TAF15: variants seen among roughly 807,000 people sequenced by gnomAD.
TAF15 encodes TATA-binding protein-associated factor 2N.
TAF15 carries 37 observed loss-of-function variants against 102.5 expected under a neutral mutation model. That is an observed-to-expected ratio of 0.36 (90% CI 0.28 to 0.47). The LOEUF is 0.47. TAF15 is among the 20% of genes least tolerant of loss of function. TAF15 has a pLI of 0.99. For missense variants in TAF15, 652 were observed against 760.7 expected, an observed-to-expected ratio of 0.86 and a Z score of 1.68; for synonymous variants, 273 against 259.2, an observed-to-expected ratio of 1.05 and a Z score of -0.51.
chr17:35,845,921 GAAGGAACATACCTTTC>G (rs1409227628), intron 15 of TAF15, among the ~76,000 whole-genome samples: 1 of 152,174 alleles, frequency 6.6e-6, no homozygotes, highest in Admixed American at 6.5e-5. Flanking sequence ...TAATCTAAGT[GAAGGAACATACCTTTC>G]ATAGGGTGGT....
At chr17:35,821,875 A>G (rs948918997) in intron 5 of TAF15, among the ~76,000 whole-genome samples, 2 of 152,214 alleles carry the variant, frequency 1.3e-5, no homozygotes, top group Non-Finnish European at 2.9e-5. Flanking sequence ...GGTTCTAAAG[A>G]TAATTCTAAG....
intron 2 of TAF15, among the ~76,000 whole-genome samples, chr17:35,819,534 G>A (rs1417652902): frequency 1.3e-5 from 2 of 152,126 alleles, no homozygotes; most frequent in African/African-American, 2.4e-5. Flanking sequence ...TTTTAAACTG[G>A]ACTTCTAGTG....
At chr17:35,819,927 T>G (rs1387213418) in intron 2 of TAF15, 97 bp from the exon 3 acceptor site, 1 of 1,031,290 alleles carries the variant, frequency 9.7e-7, no homozygotes, top group Non-Finnish European at 1.5e-6. Flanking sequence ...CAAAGAAGCT[T>G]GTATTTGAGT....
intron 7 of TAF15, among the ~76,000 whole-genome samples, chr17:35,831,284 G>A (rs2087402137): frequency 6.6e-6 from 1 of 151,980 alleles, no homozygotes; most frequent in Admixed American, 6.6e-5. Flanking sequence ...GCGGGCGCCT[G>A]TAGTCCCAGC....
Position 35,841,895 on chromosome 17 carries a change from A to G in TAF15, c.914-472A>G, listed in dbSNP as rs74985704. 5.7e-3 allele frequency among the ~76,000 whole-genome samples: 872 copies of G among 152,202 alleles called. 11 individuals are homozygous for G. The highest frequency in any genetic ancestry group is 0.019 in the African/African-American group (803 of 41,530). On this transcript the variant is annotated intron_variant, in intron 11 of 15. Transcript: ENST00000605844. ...AAAATTTTTTCAGAGAAAGGGTCTC[A>G]TTACGTTCCTCAGGCTTGTCTCAAA...
chr17:35,845,718 A>G (rs1568286318), intron 15 of TAF15, among the ~76,000 whole-genome samples: 3 of 151,294 alleles, frequency 2.0e-5, no homozygotes, highest in Non-Finnish European at 4.4e-5. Flanking sequence ...ACCATGTTAG[A>G]CCTCGTGATC....
chr17:35,837,409 C>T (rs1221505498), intron 10 of TAF15, among the ~76,000 whole-genome samples: 1 of 150,716 alleles, frequency 6.6e-6, no homozygotes, highest in African/African-American at 2.5e-5. Flanking sequence ...CCCACCTCAG[C>T]CTCCCACCAA....
intron 15 of TAF15, 112 bp downstream of exon 15, chr17:35,845,150 C>T: frequency 7.4e-7 from 1 of 1,346,268 alleles, no homozygotes; most frequent in African/African-American, 1.4e-5. Context: ...TGCCAGTTCT[C>T]TCAGGATGGA....
Position 35,844,576 on chromosome 17 carries a change from G to C in TAF15, c.1277G>C (p.Gly426Ala). Residue 426 changes from glycine (G) to alanine (A), a missense_variant, in exon 15 of 16, where the codon GGC becomes GCC. Coordinates refer to ENST00000605844, the MANE Select transcript of TAF15 (RefSeq NM_139215.3). ...TATGGTGGAGACAGAAGTGGGGGTG[G>C]CTATGGTGGAGACAGAAGCAGCGGT... ...GGYGGDRSGG[G>A]YGGDRSSGGG... The C allele has an allele frequency of 6.3e-7, 1 of 1,599,434 alleles. No individual in the cohort carries two copies. The highest frequency in any genetic ancestry group is 1.7e-4 in the Middle Eastern group (1 of 6,022).
chr17:35,816,017 A>C (rs1235622027), intron 1 of TAF15, among the ~76,000 whole-genome samples: 2 of 152,112 alleles, frequency 1.3e-5, no homozygotes, highest in Non-Finnish European at 2.9e-5. Flanking sequence ...GCTGGAGTGC[A>C]GTGGTGCAAT....
At chr17:35,835,146 C>T (rs944295972) in intron 9 of TAF15, among the ~76,000 whole-genome samples, 2 of 152,020 alleles carry the variant, frequency 1.3e-5, no homozygotes, top group African/African-American at 2.4e-5. Flanking sequence ...TTCTTTCTTC[C>T]GTGAAGAAAT....
chr17:35,845,750 G>A (rs968177905), intron 15 of TAF15, among the ~76,000 whole-genome samples: 6 of 152,202 alleles, frequency 3.9e-5, no homozygotes, highest in African/African-American at 9.7e-5. Context: ...GCCTCCCAAA[G>A]TGGTGGGATT....
intron 5 of TAF15, among the ~76,000 whole-genome samples, chr17:35,821,086 A>G (rs1598524243): frequency 6.6e-6 from 1 of 152,176 alleles, no homozygotes. Context: ...AGTGATTCCC[A>G]TTTTACAGAG....
At chr17:35,834,348 T>TAGAC in intron 8 of TAF15, 1 of 543,702 alleles carries the variant, frequency 1.8e-6, no homozygotes, top group Non-Finnish European at 3.2e-6. Flanking sequence ...TGGCAGGTGC[T>TAGAC]GTCTAGGACA....
chr17:35,822,628 A>G lies in TAF15; in HGVS notation c.291-12A>G. 6.2e-7 allele frequency: 1 copy of G among 1,611,902 alleles called. No individual in the cohort carries two copies. The highest frequency in any genetic ancestry group is 1.1e-5 in the South Asian group (1 of 90,708). On this transcript the variant is annotated splice_polypyrimidine_tract_variant and intron_variant, in intron 5 of 15. Coordinates refer to ENST00000605844, the MANE Select transcript of TAF15 (RefSeq NM_139215.3). Reference sequence around the variant, plus strand: ...TCCTATGAAGTCTCTTAAGTTCTCCATTTCTATTTAGCCAAGGTGGAAGAG... The same window carrying G: ...TCCTATGAAGTCTCTTAAGTTCTCCGTTTCTATTTAGCCAAGGTGGAAGAG...
Position 35,836,117 on chromosome 17 carries a change from CT to C in TAF15, c.674-8del. On this transcript the variant is annotated splice_polypyrimidine_tract_variant and intron_variant, in intron 9 of 15. Coordinates refer to ENST00000605844, the MANE Select transcript of TAF15 (RefSeq NM_139215.3). ...AAGGAATATGTAAAATTAACCATCA[CT>C]TTTTTTCTCTTAGATTCAGAATCTG... 4 of 1,569,792 alleles carry C rather than the reference CT, an allele frequency of 2.5e-6. No individual in the cohort carries two copies. Among genetic ancestry groups the C allele is most frequent in the South Asian group, 2.2e-5 (2 of 90,100 alleles).
intron 7 of TAF15, among the ~76,000 whole-genome samples, chr17:35,831,722 C>A (rs4796112): frequency 6.6e-6 from 1 of 151,998 alleles, no homozygotes; most frequent in Non-Finnish European, 1.5e-5. Flanking sequence ...TCTTTATCCT[C>A]GGAACTTTAA....
intron 11 of TAF15, among the ~76,000 whole-genome samples, chr17:35,840,722 G>A (rs780490647): frequency 1.3e-5 from 2 of 151,998 alleles, no homozygotes; most frequent in Non-Finnish European, 2.9e-5. Context: ...AAATCAGCCA[G>A]GCGCGGTGGT....
rs2087243879 is a variant in TAF15, at chr17:35,820,323, AATCTT to A, written c.185-8_185-4del. The stretch of plus-strand genomic sequence containing the variant: ...CCTTCACTAAATGATATACTCATCT[AATCTT>A]TAGGTTATTCACAGTCCTATGGTGG... On this transcript the variant is annotated splice_region_variant and splice_polypyrimidine_tract_variant and intron_variant, in intron 4 of 15. Coordinates refer to ENST00000605844, the MANE Select transcript of TAF15 (RefSeq NM_139215.3). 13 of 1,613,944 alleles carry A rather than the reference AATCTT, an allele frequency of 8.1e-6. No individual in the cohort carries two copies. The highest frequency in any genetic ancestry group is 1.1e-5 in the Non-Finnish European group (13 of 1,179,818).
Sources: gnomAD v4.1 joint callset for allele counts (sites outside exome capture counted in the v4.1 genomes callset) on GRCh38, gnomAD v4.1.1 for gene constraint, MANE v1.5 for transcripts, NCBI Gene and HGNC (gene_info 2026-07-23, HGNC 2026-07-21) for gene names.